SGCD: variants seen among roughly 807,000 people sequenced by gnomAD.
SGCD encodes delta-sarcoglycan.
SGCD carries 18 observed loss-of-function variants against 36.6 expected under a neutral mutation model. The ratio of observed to expected loss-of-function variants is 0.49; its 90% CI spans 0.34 to 0.73. The LOEUF (loss-of-function observed/expected upper bound fraction) is 0.73, where lower values mean the gene tolerates loss of function less well. Among genes scored for constraint, SGCD ranks in the 30% least tolerant of loss-of-function variants. The probability of loss-of-function intolerance (pLI) is 0.01; values close to 1 mark genes in which losing one functional copy is unlikely to be tolerated. For synonymous variants in SGCD, 133 were observed against 130.6 expected, an observed-to-expected ratio of 1.02 and a Z score of -0.12; for missense variants, 387 against 346.7, an observed-to-expected ratio of 1.12 and a Z score of -0.92.
At position 156,084,847 on chromosome 5, in the gene SGCD, C is replaced by A. The variant is rs114225026; in HGVS notation, c.-281-33031C>A. Among the ~76,000 whole-genome samples, 701 of 152,236 alleles carry A rather than the reference C, an allele frequency of 4.6e-3. 4 individuals are homozygous for A. The highest frequency in any genetic ancestry group is 0.013 in the African/African-American group (521 of 41,538). ...AGGTTTTTCCGTGGATTCCTTTTAT[C>A]AGTTGAAGTGATTTCCCTCTATCCT... is the stretch of plus-strand genomic sequence containing the variant. On this transcript the variant is annotated intron_variant, in intron 1 of 9. Coordinates refer to the SGCD transcript ENST00000517913.
intron 3 of SGCD, among the ~76,000 whole-genome samples, chr5:156,166,497 T>G (rs989467404): frequency 6.6e-6 from 1 of 152,160 alleles, no homozygotes; most frequent in Non-Finnish European, 1.5e-5. Flanking sequence ...TGTTTTTGTA[T>G]TTTTGGTAGA....
At chr5:155,732,731 A>T in the SGCD span, among the ~76,000 whole-genome samples, 1 of 152,128 alleles carries the variant, frequency 6.6e-6, no homozygotes, top group East Asian at 1.9e-4. Flanking sequence ...GAGGCCAGAG[A>T]TCTATATTTT....
intron 4 of SGCD, among the ~76,000 whole-genome samples, chr5:156,516,243 A>C (rs1295888020): frequency 6.6e-6 from 1 of 152,104 alleles, no homozygotes; most frequent in Admixed American, 6.5e-5. Flanking sequence ...CACACCCCCA[A>C]TAGGGGTTGC....
intron 3 of SGCD, among the ~76,000 whole-genome samples, chr5:156,403,762 GT>G (rs533679385): frequency 4.6e-5 from 7 of 151,774 alleles, no homozygotes; most frequent in Non-Finnish European, 7.4e-5. Context: ...TTTATGGAGG[GT>G]TTTTTTTCTT....
upstream of SGCD, among the ~76,000 whole-genome samples, chr5:156,322,622 C>T (rs891620001): frequency 4.6e-4 from 70 of 152,158 alleles, no homozygotes; most frequent in Non-Finnish European, 9.6e-4. Flanking sequence ...ATGGAGGTTA[C>T]ATTTAAAGGC....
intron 3 of SGCD, among the ~76,000 whole-genome samples, chr5:156,445,306 T>G (rs1259135168): frequency 6.6e-6 from 1 of 152,166 alleles, no homozygotes; most frequent in East Asian, 1.9e-4. Flanking sequence ...TGACTATAGG[T>G]AGCCAGAATT....
intron 7 of SGCD, among the ~76,000 whole-genome samples, chr5:156,748,648 T>C (rs1757034049): frequency 6.6e-6 from 1 of 151,996 alleles, no homozygotes; most frequent in Non-Finnish European, 1.5e-5. Context: ...CAGATAAAAA[T>C]AGATATGAAT....
At chr5:155,840,497 G>C in the SGCD span, among the ~76,000 whole-genome samples, 1 of 149,646 alleles carries the variant, frequency 6.7e-6, no homozygotes, top group Non-Finnish European at 1.5e-5. Context: ...CACCGTGTTA[G>C]CCAGGATGGT....
rs143674042 is a variant in SGCD, at chr5:156,145,017, G to A, written c.-44+20998G>A. On this transcript the variant is annotated intron_variant, in intron 3 of 9. Coordinates refer to the SGCD transcript ENST00000517913. ...TGTCAGAATGATATAAGATTTTGGA[G>A]GTTCCAGGGACAGAATGATGTGGTT... Among the ~76,000 whole-genome samples, 675 of 152,270 alleles carry A rather than the reference G, an allele frequency of 4.4e-3. 6 individuals are homozygous for A. The highest frequency in any genetic ancestry group is 0.01 in the Admixed American group (154 of 15,300).
rs919398454 is a variant in SGCD, at chr5:156,761,852, A to G, written c.*2462A>G. On this transcript the variant is annotated 3_prime_UTR_variant, in exon 9 of 9. Coordinates refer to ENST00000337851, the MANE Select transcript of SGCD (RefSeq NM_000337.6). ...GTGAGATCACAAACAGAATAAAAATAAGAGCAATCAACCATATAAATCAAG... is the reference window on the plus strand; with the variant it reads ...GTGAGATCACAAACAGAATAAAAATGAGAGCAATCAACCATATAAATCAAG... The G allele has an allele frequency of 6.6e-6, 1 of 152,228 alleles. No individual in the cohort carries two copies. 9.4% of individuals were successfully genotyped at this position (152,228 alleles called of 1,614,324 possible).
rs76774002 is a variant in SGCD, at chr5:156,729,571, A to T, written c.576-28010A>T. 2.2e-3 allele frequency among the ~76,000 whole-genome samples: 340 copies of T among 152,312 alleles called. 2 individuals are homozygous for T. Among genetic ancestry groups the T allele is most frequent in the African/African-American group, 8.0e-3 (331 of 41,562 alleles). On this transcript the variant is annotated intron_variant, in intron 7 of 8. Coordinates refer to ENST00000337851, the MANE Select transcript of SGCD (RefSeq NM_000337.6). Reference sequence around the variant, plus strand: ...CTTGGAATACAAGAAGCACTCAATGAATATTACTAAATGATATCATCATTA... The same window carrying T: ...CTTGGAATACAAGAAGCACTCAATGTATATTACTAAATGATATCATCATTA...
At chr5:155,784,014 G>A in the SGCD span, among the ~76,000 whole-genome samples, 1 of 152,130 alleles carries the variant, frequency 6.6e-6, no homozygotes, top group Non-Finnish European at 1.5e-5. Context: ...ATTTGCTGAG[G>A]GTAAATATGA....
At position 156,765,303 on chromosome 5, in the gene SGCD, A is replaced by G. The variant is rs1200305721; in HGVS notation, c.*5913A>G. 1 of 152,220 alleles carries G rather than the reference A, an allele frequency of 6.6e-6. No homozygotes were observed. Among genetic ancestry groups the G allele is most frequent in the African/African-American group, 2.4e-5 (1 of 41,460 alleles). The allele number at this position is 152,220 out of a possible 1,614,324, so 9.4% of individuals were successfully genotyped here. ...GGTTCCATGGGAACACTTGTAGCCA[A>G]AGGATTGTCTGAGGGCAGGAAGACG... On this transcript the variant is annotated 3_prime_UTR_variant, in exon 9 of 9. Transcript: ENST00000337851.
chr5:156,641,829 G>A (rs1244941291), intron 6 of SGCD, among the ~76,000 whole-genome samples: 2 of 151,986 alleles, frequency 1.3e-5, no homozygotes, highest in South Asian at 4.1e-4. Context: ...TCTTCTCTAT[G>A]CTTACTACCA....
At chr5:156,423,857 C>T (rs1365792118) in intron 3 of SGCD, among the ~76,000 whole-genome samples, 1 of 151,930 alleles carries the variant, frequency 6.6e-6, no homozygotes, top group Non-Finnish European at 1.5e-5. Context: ...ACAGTGCGTA[C>T]CTCCAAGAAT....
intron 1 of SGCD, among the ~76,000 whole-genome samples, chr5:156,006,184 A>G (rs1252170102): frequency 6.6e-6 from 1 of 152,146 alleles, no homozygotes; most frequent in Non-Finnish European, 1.5e-5. Flanking sequence ...GAAAGAAGGA[A>G]CCATTTTGAT....
At chr5:155,891,558 C>CTTTTTTTTTTTT (rs372399423) in intron 1 of SGCD, among the ~76,000 whole-genome samples, 872 of 60,718 alleles carry the variant, frequency 0.014, 146 homozygotes, top group Non-Finnish European at 0.017. Context: ...AATAAATACT[C>CTTTTTTTTTTTT]TTTTTTTTTT....
intron 1 of SGCD, among the ~76,000 whole-genome samples, chr5:156,092,054 G>A (rs936778222): frequency 6.6e-6 from 1 of 152,310 alleles, no homozygotes; most frequent in Middle Eastern, 3.4e-3. Flanking sequence ...CCAACACTCA[G>A]GCTGTTATCA....
intron 4 of SGCD, among the ~76,000 whole-genome samples, chr5:156,575,207 C>A (rs1027510135): frequency 1.3e-5 from 2 of 152,160 alleles, no homozygotes; most frequent in Non-Finnish European, 2.9e-5. Context: ...TGGTATCAGT[C>A]AAGTTTTAAT....
Sources: allele counts gnomAD v4.1 joint callset (sites outside exome capture counted in the v4.1 genomes callset), GRCh38; gene constraint gnomAD v4.1.1; transcripts MANE v1.5; gene names NCBI Gene and HGNC (gene_info 2026-07-23, HGNC 2026-07-21).